EYA1: variants seen among roughly 807,000 people sequenced by gnomAD.
The protein encoded by EYA1 is EYA transcriptional coactivator and phosphatase 1.
A neutral mutation model predicts 82.0 loss-of-function variants in EYA1; 16 were observed. The observed-to-expected ratio is 0.20, with a 90% confidence interval of 0.13 to 0.30. The LOEUF (loss-of-function observed/expected upper bound fraction) is 0.30. Ranked by LOEUF, EYA1 falls within the 10% of genes least tolerant of loss-of-function variation. EYA1 has a pLI of 1.00. For synonymous variants in EYA1, 261 were observed against 264.4 expected (o/e 0.99, Z 0.12); for missense variants, 633 against 730.7 (o/e 0.87, Z 1.54).
intron 2 of EYA1, among the ~76,000 whole-genome samples, chr8:71,472,937 T>C (rs908589760): frequency 4.0e-5 from 6 of 151,632 alleles, no homozygotes; most frequent in African/African-American, 1.5e-4. Flanking sequence ...ATATAATTGT[T>C]AAACAAATAG....
rs1323652552 is a variant in EYA1 at position 71,334,159 on chromosome 8, A to G, written c.140T>C (p.Met47Thr). Residue 47 changes from methionine (M) to threonine (T), a missense_variant, in exon 4 of 18, where the codon ATG becomes ACG. Physicochemically the swap from Met to Thr is moderately conservative, Grantham distance 81 (BLOSUM62 -1). Coordinates refer to ENST00000340726, the MANE Select transcript of EYA1 (RefSeq NM_000503.6). ...PNGTEVKTEP[M>T]SSSETASTTA... ...CGTTGAAGCTGTTTCACTGCTGCTC[A>G]TTGGCTCTGTTTTAACTACAAAAAT... The G allele has an allele frequency of 6.2e-7, 1 of 1,613,082 alleles. No individual in the cohort carries two copies. Among genetic ancestry groups the G allele is most frequent in the Non-Finnish European group, 8.5e-7 (1 of 1,179,258 alleles).
intron 2 of EYA1, among the ~76,000 whole-genome samples, chr8:71,485,542 T>G (rs979418173): frequency 1.3e-5 from 2 of 151,768 alleles, no homozygotes; most frequent in African/African-American, 4.8e-5. Flanking sequence ...TTTACAAGAA[T>G]AAAAGTACAA....
At position 71,494,022 on chromosome 8, in the gene EYA1, C is replaced by CAAAAAAA. The variant is rs34340467; in HGVS notation, c.33+41715_33+41721dup. Reference sequence around the variant, plus strand: ...TGGGCGACAGAGCGAGACTCCGTCTCAAAAAAAAAAAAAAAAAAAAAAAGA... The same window carrying CAAAAAAA: ...TGGGCGACAGAGCGAGACTCCGTCTCAAAAAAAAAAAAAAAAAAAAAAAAAAAAAAGA... On this transcript the variant is annotated intron_variant, in intron 2 of 18. Transcript: ENST00000643681. Among the ~76,000 whole-genome samples, 160 of 41,840 alleles carry CAAAAAAA rather than the reference C, an allele frequency of 3.8e-3. 6 individuals carry two copies. Among genetic ancestry groups the CAAAAAAA allele is most frequent in the African/African-American group, 7.3e-3 (109 of 14,850 alleles). The allele number at this position is 41,840 out of a possible 152,430, so 27.4% of individuals were successfully genotyped here.
At chr8:71,515,758 T>A (rs1812928423) in intron 2 of EYA1, among the ~76,000 whole-genome samples, 1 of 152,136 alleles carries the variant, frequency 6.6e-6, no homozygotes, top group Non-Finnish European at 1.5e-5. Context: ...CGTTGAACAT[T>A]ATAGCCCCTA....
At chr8:71,406,528 G>T (rs554041787) in intron 2 of EYA1, among the ~76,000 whole-genome samples, 2 of 152,128 alleles carry the variant, frequency 1.3e-5, no homozygotes, top group African/African-American at 4.8e-5. Context: ...CACCGTGTGC[G>T]AGCCGAAGCA....
intron 2 of EYA1, among the ~76,000 whole-genome samples, chr8:71,389,055 C>A (rs560352668): frequency 2.4e-4 from 36 of 151,662 alleles, no homozygotes; most frequent in Middle Eastern, 3.4e-3. Context: ...CCAAGACAGT[C>A]AAGCAACAAC....
rs565672629 is a variant in EYA1 at position 71,489,959 on chromosome 8, C to T, written c.33+45785G>A. Among the ~76,000 whole-genome samples the T allele has an allele frequency of 1.4e-3, 216 of 152,196 alleles. 1 individual carries two copies. The highest frequency in any genetic ancestry group is 4.9e-3 in the African/African-American group (203 of 41,506). On this transcript the variant is annotated intron_variant, in intron 2 of 18. Transcript: ENST00000643681. ...GAGCCCAACCCTGCAGGATCCAGGC[C>T]TTTGTCATTAGGTAGGTTTTGAGGA...
chr8:71,397,006 C>T (rs1829663231), intron 2 of EYA1, among the ~76,000 whole-genome samples: 1 of 152,208 alleles, frequency 6.6e-6, no homozygotes, highest in Admixed American at 6.5e-5. Flanking sequence ...GCATAGTTAG[C>T]TCTTCTTGTT....
intron 2 of EYA1, among the ~76,000 whole-genome samples, chr8:71,520,611 G>C (rs905705979): frequency 2.0e-5 from 3 of 152,070 alleles, no homozygotes; most frequent in African/African-American, 7.2e-5. Flanking sequence ...TCTTTCCAAA[G>C]TAAACAGAAT....
At chr8:71,228,476 T>C (rs1164817176) in intron 12 of EYA1, among the ~76,000 whole-genome samples, 2 of 152,180 alleles carry the variant, frequency 1.3e-5, no homozygotes, top group African/African-American at 4.8e-5. Context: ...AAGTTTTGTC[T>C]ATACTCATAA....
At chr8:71,424,393 A>C (rs73687714) in intron 2 of EYA1, among the ~76,000 whole-genome samples, 5,894 of 152,302 alleles carry the variant, frequency 0.039, 379 homozygotes, top group African/African-American at 0.13. Flanking sequence ...TCAAAATTAA[A>C]GTTCTAATAC....
intron 3 of EYA1, among the ~76,000 whole-genome samples, chr8:71,348,148 G>A (rs571505934): frequency 6.6e-5 from 10 of 152,010 alleles, no homozygotes; most frequent in East Asian, 1.9e-4. Flanking sequence ...TATATTGTAC[G>A]CTTAGAGTGA....
intron 2 of EYA1, among the ~76,000 whole-genome samples, chr8:71,407,225 C>T (rs1260213779): frequency 6.8e-6 from 1 of 146,348 alleles, no homozygotes; most frequent in Non-Finnish European, 1.5e-5. Context: ...CCCATCTGTA[C>T]ATCACCATCA....
intron 11 of EYA1, among the ~76,000 whole-genome samples, chr8:71,267,648 A>G (rs1170146120): frequency 6.6e-6 from 1 of 152,158 alleles, no homozygotes; most frequent in Admixed American, 6.5e-5. Flanking sequence ...TCCCAGGTTC[A>G]CGCCGTTCTC....
chr8:71,214,343 C>A (rs368714778), intron 16 of EYA1, among the ~76,000 whole-genome samples: 2 of 152,162 alleles, frequency 1.3e-5, no homozygotes, highest in Non-Finnish European at 2.9e-5. Flanking sequence ...CAGCAGGGAA[C>A]ACATTTTAAT....
chr8:71,229,555 T>C (rs548641157), intron 12 of EYA1, among the ~76,000 whole-genome samples: 18 of 152,324 alleles, frequency 1.2e-4, no homozygotes, highest in African/African-American at 4.3e-4. Context: ...GGTTATCTGA[T>C]TGACAGGATT....
intron 2 of EYA1, among the ~76,000 whole-genome samples, chr8:71,527,148 G>A (rs1813879402): frequency 6.6e-6 from 1 of 151,798 alleles, no homozygotes; most frequent in Non-Finnish European, 1.5e-5. Flanking sequence ...GAAGATTTGG[G>A]AAAAAAAGAG....
At chr8:71,249,475 A>G (rs1444132730) in intron 11 of EYA1, among the ~76,000 whole-genome samples, 4 of 152,036 alleles carry the variant, frequency 2.6e-5, no homozygotes, top group Non-Finnish European at 5.9e-5. Flanking sequence ...TTATAACACC[A>G]TCAGATCTCA....
At chr8:71,467,192 A>G (rs1015318874) in intron 2 of EYA1, among the ~76,000 whole-genome samples, 4 of 152,076 alleles carry the variant, frequency 2.6e-5, no homozygotes, top group Non-Finnish European at 5.9e-5. Flanking sequence ...ATTTTAAAAA[A>G]TAGATAGAAT....
Sources: allele counts gnomAD v4.1 joint callset (sites outside exome capture counted in the v4.1 genomes callset), GRCh38; gene constraint gnomAD v4.1.1; transcripts MANE v1.5; gene names NCBI Gene and HGNC (gene_info 2026-07-23, HGNC 2026-07-21).